LDB2: variants seen among roughly 807,000 people sequenced by gnomAD.
LDB2 encodes the protein LIM domain-binding protein 2.
In LDB2, 12 loss-of-function variants were observed where a neutral mutation model predicts 44.3. The ratio of observed to expected loss-of-function variants is 0.27; its 90% confidence interval spans 0.17 to 0.44. The LOEUF (loss-of-function observed/expected upper bound fraction) is 0.44. LDB2 is among the 20% of genes least tolerant of loss of function. The pLI, the probability that LDB2 is intolerant of heterozygous loss-of-function variation, is 1.00. For synonymous variants in LDB2, 164 were observed against 174.8 expected (o/e 0.94, Z 0.49); for missense variants, 344 against 473.5 (o/e 0.73, Z 2.54).
chr4:16,876,200 C>A (rs932356738), intron 1 of LDB2, among the ~76,000 whole-genome samples: 1 of 152,208 alleles, frequency 6.6e-6, no homozygotes, highest in South Asian at 2.1e-4. Context: ...CTACGTGCAA[C>A]AATTTCATAA....
intron 5 of LDB2, among the ~76,000 whole-genome samples, chr4:16,543,474 G>A (rs1560421127): frequency 1.3e-5 from 2 of 152,204 alleles, no homozygotes; most frequent in Non-Finnish European, 2.9e-5. Flanking sequence ...TCTAACTGAT[G>A]TGAGATGGTA....
chr4:16,532,764 T>C (rs544587091), intron 5 of LDB2, among the ~76,000 whole-genome samples: 2 of 152,324 alleles, frequency 1.3e-5, no homozygotes, highest in East Asian at 1.9e-4. Context: ...CCAAACCCAA[T>C]GCTGCAGGAA....
intron 1 of LDB2, among the ~76,000 whole-genome samples, chr4:16,876,221 T>C (rs1718344394): frequency 6.6e-6 from 1 of 152,238 alleles, no homozygotes; most frequent in Non-Finnish European, 1.5e-5. Flanking sequence ...ACATTTACTA[T>C]TCTGGGTCTA....
chr4:16,571,452 G>GAAAAAAAAAAAA, intron 5 of LDB2, among the ~76,000 whole-genome samples: 1 of 122,374 alleles, frequency 8.2e-6, no homozygotes. Context: ...GGGCAATTCG[G>GAAAAAAAAAAAA]CAAAAAAAAA....
intron 5 of LDB2, among the ~76,000 whole-genome samples, chr4:16,554,298 C>T (rs1276633050): frequency 6.6e-6 from 1 of 152,172 alleles, no homozygotes; most frequent in Non-Finnish European, 1.5e-5. Context: ...GATCCACCCG[C>T]CTCGGCCCCC....
chr4:16,751,438 A>C (rs1433148022), intron 2 of LDB2, among the ~76,000 whole-genome samples: 1 of 152,206 alleles, frequency 6.6e-6, no homozygotes, highest in African/African-American at 2.4e-5. Flanking sequence ...ATGTCTGTTC[A>C]AGCCACTGTT....
chr4:16,715,785 C>G (rs1210704957), intron 2 of LDB2, among the ~76,000 whole-genome samples: 1 of 152,122 alleles, frequency 6.6e-6, no homozygotes, highest in African/African-American at 2.4e-5. Flanking sequence ...GGGGAAGTCA[C>G]TAGTATTCAA....
chr4:16,726,719 A>G (rs1295211516), intron 2 of LDB2, among the ~76,000 whole-genome samples: 1 of 152,226 alleles, frequency 6.6e-6, no homozygotes, highest in African/African-American at 2.4e-5. Context: ...ATTTCCAATC[A>G]AACAGAATCA....
intron 2 of LDB2, among the ~76,000 whole-genome samples, chr4:16,666,974 A>T (rs1743432680): frequency 6.6e-6 from 1 of 152,182 alleles, no homozygotes. Flanking sequence ...GAGGGTATGC[A>T]GAGGTTGATT....
chr4:16,693,997 G>A (rs766142192), intron 2 of LDB2, among the ~76,000 whole-genome samples: 2 of 152,116 alleles, frequency 1.3e-5, no homozygotes, highest in Admixed American at 6.5e-5. Flanking sequence ...ACCTGTTGTC[G>A]CTCCTCCTGG....
chr4:16,668,729 T>C (rs1342735875), intron 2 of LDB2, among the ~76,000 whole-genome samples: 2 of 152,180 alleles, frequency 1.3e-5, no homozygotes, highest in African/African-American at 4.8e-5. Flanking sequence ...TCAGCAGAGA[T>C]GTATTTTCTC....
At chr4:16,860,536 G>A (rs907788024) in intron 1 of LDB2, among the ~76,000 whole-genome samples, 5 of 152,140 alleles carry the variant, frequency 3.3e-5, no homozygotes, top group Admixed American at 1.3e-4. Flanking sequence ...TGCCACCTAA[G>A]GCTACCACCC....
chr4:16,671,228 C>T (rs955472790), intron 2 of LDB2, among the ~76,000 whole-genome samples: 6 of 152,000 alleles, frequency 3.9e-5, no homozygotes, highest in Non-Finnish European at 8.8e-5. Context: ...AGTACTTCAA[C>T]CATGTGAGCA....
chr4:16,865,718 T>A (rs2110301302), intron 1 of LDB2, among the ~76,000 whole-genome samples: 1 of 152,320 alleles, frequency 6.6e-6, no homozygotes, highest in South Asian at 2.1e-4. Flanking sequence ...CTACAGTCAC[T>A]CTGGGGATAA....
intron 2 of LDB2, among the ~76,000 whole-genome samples, chr4:16,604,774 A>G (rs944285484): frequency 2.9e-4 from 44 of 152,166 alleles, no homozygotes; most frequent in African/African-American, 9.6e-4. Context: ...ATGCCTTTTC[A>G]GCAATAAAGC....
chr4:16,599,668 G>A (rs562993234), intron 2 of LDB2, among the ~76,000 whole-genome samples: 4 of 152,062 alleles, frequency 2.6e-5, no homozygotes, highest in East Asian at 3.9e-4. Flanking sequence ...ATGCACATAC[G>A]CACGCAATGT....
At chr4:16,895,280 G>A (rs909747975) in intron 1 of LDB2, among the ~76,000 whole-genome samples, 24 of 152,182 alleles carry the variant, frequency 1.6e-4, no homozygotes, top group Non-Finnish European at 3.2e-4. Context: ...CCCGGCTTCT[G>A]AAGAACTTTG....
intron 1 of LDB2, among the ~76,000 whole-genome samples, chr4:16,802,348 A>C (rs1778002423): frequency 6.6e-6 from 1 of 152,202 alleles, no homozygotes; most frequent in African/African-American, 2.4e-5. Context: ...GAATGAACAA[A>C]ATCTGCCAGC....
chr4:16,897,381 C>T (rs1426420887), intron 1 of LDB2, among the ~76,000 whole-genome samples: 2 of 152,086 alleles, frequency 1.3e-5, no homozygotes, highest in Admixed American at 6.5e-5. Flanking sequence ...ACTCCTTTTC[C>T]GAACACTTCC....
Sources: allele counts gnomAD v4.1 joint callset (sites outside exome capture counted in the v4.1 genomes callset), GRCh38; gene constraint gnomAD v4.1.1; transcripts MANE v1.5; gene names NCBI Gene and HGNC (gene_info 2026-07-23, HGNC 2026-07-21).